PGS1: variants seen among roughly 807,000 people sequenced by gnomAD.
PGS1 encodes the protein CDP-diacylglycerol--glycerol-3-phosphate 3-phosphatidyltransferase, mitochondrial.
In PGS1, 44 loss-of-function variants were observed where a neutral mutation model predicts 58.3. That is an observed-to-expected ratio of 0.75 (90% CI 0.59 to 0.97). The LOEUF is 0.97. Among genes scored for constraint, PGS1 ranks in the 50% least tolerant of loss-of-function variants. PGS1 has a pLI of 0.00. For missense variants in PGS1, 684 were observed against 731.1 expected, an observed-to-expected ratio of 0.94 and a Z score of 0.74; for synonymous variants, 330 against 311.0, an observed-to-expected ratio of 1.06 and a Z score of -0.64.
At chr17:78,384,544 G>A (rs1400737576) in intron 1 of PGS1, among the ~76,000 whole-genome samples, 2 of 152,098 alleles carry the variant, frequency 1.3e-5, no homozygotes, top group East Asian at 1.9e-4. Context: ...TCATGGTTTT[G>A]TACAGATTTG....
intron 7 of PGS1, among the ~76,000 whole-genome samples, chr17:78,414,538 GGGGTGTATGAGA>G (rs1182063832): frequency 3.3e-5 from 5 of 152,202 alleles, no homozygotes; most frequent in African/African-American, 1.2e-4. Flanking sequence ...CAGCTGGGCA[GGGGTGTATGAGA>G]GCAGGTCGGC....
intron 2 of PGS1, among the ~76,000 whole-genome samples, chr17:78,395,008 G>A (rs562987639): frequency 6.6e-6 from 1 of 152,224 alleles, no homozygotes; most frequent in African/African-American, 2.4e-5. Context: ...AGAGAGGCTT[G>A]CCTCAGCAGG....
At chr17:78,420,180 A>G (rs1028072228) in intron 9 of PGS1, 48 of 999,158 alleles carry the variant, frequency 4.8e-5, no homozygotes, top group Non-Finnish European at 5.1e-5. Context: ...TGCTGCCTGG[A>G]CGCCTCGCTG....
intron 4 of PGS1, 55 bp downstream of exon 4, chr17:78,398,406 C>G (rs2083407932): frequency 1.7e-6 from 2 of 1,199,176 alleles, no homozygotes. Flanking sequence ...TCCTCAGTCC[C>G]AAGAGGGGTT....
At chr17:78,415,613 CAA>C (rs2085115176) in intron 8 of PGS1, among the ~76,000 whole-genome samples, 1 of 152,246 alleles carries the variant, frequency 6.6e-6, no homozygotes, top group Admixed American at 6.5e-5. Flanking sequence ...GCCTGGGCAA[CAA>C]GAGCGAAACT....
At chr17:78,392,745 C>G (rs1248743563) in intron 2 of PGS1, 80 bp downstream of exon 2, 4 of 1,106,382 alleles carry the variant, frequency 3.6e-6, no homozygotes, top group African/African-American at 1.6e-5. Flanking sequence ...GCTTTCTAGT[C>G]TAGAAACTTT....
At chr17:78,423,142 C>T (rs1275636723) in intron 9 of PGS1, among the ~76,000 whole-genome samples, 1 of 152,014 alleles carries the variant, frequency 6.6e-6, no homozygotes, top group Non-Finnish European at 1.5e-5. Context: ...CTTGGTCCCC[C>T]TGGGATCCGT....
chr17:78,385,028 A>T (rs138134451), intron 1 of PGS1, among the ~76,000 whole-genome samples: 22 of 152,374 alleles, frequency 1.4e-4, no homozygotes, highest in African/African-American at 5.3e-4. Flanking sequence ...AGTGTTTTCC[A>T]TGAAGCAGAG....
intron 1 of PGS1, among the ~76,000 whole-genome samples, chr17:78,386,552 T>A (rs948859072): frequency 2.6e-5 from 4 of 152,222 alleles, no homozygotes; most frequent in Non-Finnish European, 4.4e-5. Flanking sequence ...ATTGTGTGTG[T>A]ACTGGTTTAG....
chr17:78,381,416 T>C (rs2146039202), intron 1 of PGS1, among the ~76,000 whole-genome samples: 1 of 152,170 alleles, frequency 6.6e-6, no homozygotes, highest in East Asian at 1.9e-4. Flanking sequence ...CGGTATTGAG[T>C]GGTAGTGTAG....
At chr17:78,388,611 C>T (rs1465997549) in intron 1 of PGS1, among the ~76,000 whole-genome samples, 1 of 151,908 alleles carries the variant, frequency 6.6e-6, no homozygotes, top group African/African-American at 2.4e-5. Flanking sequence ...CTCCAGAGTG[C>T]TGGGATTACA....
At chr17:78,423,921 C>T (rs774289227) in intron 9 of PGS1, 140 bp from the exon 10 acceptor site, 15 of 1,613,844 alleles carry the variant, frequency 9.3e-6, no homozygotes, top group Non-Finnish European at 1.3e-5. Flanking sequence ...CCTGTAGGAG[C>T]AGCGCCACGG....
chr17:78,399,627 C>T lies in PGS1; in HGVS notation c.701+90C>T, dbSNP rs1311890250. 14 of 1,332,132 alleles carry T rather than the reference C, an allele frequency of 1.1e-5. No homozygotes were observed. The East Asian group carries it at 3.0e-4, about 29-fold the overall frequency. 82.5% of individuals were successfully genotyped at this position (1,332,132 alleles called of 1,614,324 possible). A position where few individuals can be genotyped will look rare whatever the true frequency, so the allele number is the denominator to read the frequency against. On this transcript the variant is annotated intron_variant, in intron 5 of 9. Coordinates refer to ENST00000262764, the MANE Select transcript of PGS1 (RefSeq NM_024419.5). ...GGAACAGTGGGAAACCCGTTCCCCTCAGTCTTGGAGAACCTGCTTGTAGGT... is the reference window on the plus strand; with the variant it reads ...GGAACAGTGGGAAACCCGTTCCCCTTAGTCTTGGAGAACCTGCTTGTAGGT...
rs2081812666 is a variant in PGS1, at chr17:78,378,751, C to T, written c.86C>T (p.Ala29Val). 2.7e-6 allele frequency: 4 copies of T among 1,504,932 alleles called. No homozygotes were observed. The highest frequency in any genetic ancestry group is 2.1e-5 in the Admixed American group (1 of 47,688). 93.2% of individuals were successfully genotyped at this position (1,504,932 alleles called of 1,614,324 possible). The change falls in exon 1 of 10, where the codon GCG becomes GTG. Residue 29 changes from alanine to valine, a missense_variant. Transcript: ENST00000262764. ...GLLPGRPGLAALLGRLSDRLG... is the reference protein window; with the variant it reads ...GLLPGRPGLAVLLGRLSDRLG... ...CTGCCTGGCCGCCCAGGGCTGGCCG[C>T]GCTCCTGGGACGCCTGTCCGACCGC... is the stretch of plus-strand genomic sequence containing the variant.
At chr17:78,382,054 C>A (rs1482788170) in intron 1 of PGS1, among the ~76,000 whole-genome samples, 2 of 152,058 alleles carry the variant, frequency 1.3e-5, no homozygotes, top group Non-Finnish European at 2.9e-5. Flanking sequence ...GGAAGGCTTC[C>A]TGGTGCAGTG....
At chr17:78,422,283 A>G (rs955468182) in intron 9 of PGS1, among the ~76,000 whole-genome samples, 12 of 152,068 alleles carry the variant, frequency 7.9e-5, no homozygotes, top group Non-Finnish European at 1.6e-4. Context: ...TGCAGCCACA[A>G]AGGGCTGGAT....
At chr17:78,408,511 C>G (rs1437488927) in intron 7 of PGS1, among the ~76,000 whole-genome samples, 1 of 152,162 alleles carries the variant, frequency 6.6e-6, no homozygotes, top group East Asian at 1.9e-4. Context: ...GGTGAGGCAC[C>G]TTGGTGGGGC....
intron 7 of PGS1, among the ~76,000 whole-genome samples, chr17:78,406,350 C>T (rs558508068): frequency 6.6e-6 from 1 of 152,228 alleles, no homozygotes; most frequent in Admixed American, 6.5e-5. Context: ...AGCCCAGGTT[C>T]CCCTAGACTT....
At chr17:78,407,861 T>A (rs2084289706) in intron 7 of PGS1, among the ~76,000 whole-genome samples, 1 of 152,178 alleles carries the variant, frequency 6.6e-6, no homozygotes, top group Non-Finnish European at 1.5e-5. Flanking sequence ...CACCTTCTCA[T>A]GTAAAATGAC....
Sources: allele counts gnomAD v4.1 joint callset (sites outside exome capture counted in the v4.1 genomes callset), GRCh38; gene constraint gnomAD v4.1.1; transcripts MANE v1.5; gene names NCBI Gene and HGNC (gene_info 2026-07-23, HGNC 2026-07-21).